The following ACTR6 variants were observed in gnomAD, a reference collection of about 807,000 sequenced individuals.
The protein encoded by ACTR6 is actin related protein 6, also known as actin-related protein 6.
A neutral mutation model predicts 52.5 loss-of-function variants in ACTR6; 50 were observed. The ratio of observed to expected loss-of-function variants is 0.95; its 90% confidence interval spans 0.76 to 1.20. The LOEUF (loss-of-function observed/expected upper bound fraction) is 1.20, where lower values mean the gene tolerates loss of function less well. Among genes scored for constraint, ACTR6 ranks in the 50% most tolerant of loss-of-function variants. ACTR6 has a pLI of 0.00. For synonymous variants in ACTR6, 135 were observed against 147.2 expected (o/e 0.92, Z 0.60); for missense variants, 344 against 472.4 (o/e 0.73, Z 2.52).
In ACTR6 at chr12:100,212,479, T is replaced by C. The variant is rs761162966; in HGVS notation, c.701T>C (p.Ile234Thr). The change falls in exon 8 of 11, where the codon ATA becomes ACA. Residue 234 changes from isoleucine to threonine, a missense_variant. By Grantham distance (89) the Ile-to-Thr change is moderately conservative (BLOSUM62 -1). Coordinates refer to ENST00000188312, the MANE Select transcript of ACTR6 (RefSeq NM_022496.5). ...AAAGGAGAAGAAAATACAGTAATGA[T>C]AGACTATGTCTTGCCTGACTTCAGT... is the stretch of plus-strand genomic sequence containing the variant. The part of the protein sequence containing the change: ...KLKGEENTVM[I>T]DYVLPDFSTI... 3.1e-6 allele frequency: 5 copies of C among 1,613,894 alleles called. No individual in the cohort carries two copies. In the South Asian group the frequency reaches 3.3e-5, roughly 11 times the overall value.
chr12:100,201,261 G>C (rs2096109429), intron 1 of ACTR6, among the ~76,000 whole-genome samples: 3 of 152,160 alleles, frequency 2.0e-5, no homozygotes, highest in Admixed American at 2.0e-4. Context: ...GGGTGTATGC[G>C]GATTTTCCTG....
chr12:100,213,430 T>C (rs957633687), intron 8 of ACTR6, among the ~76,000 whole-genome samples: 1 of 152,102 alleles, frequency 6.6e-6, no homozygotes, highest in Admixed American at 6.5e-5. Flanking sequence ...TGCTGGCCAT[T>C]TCACCCGGCA....
At chr12:100,204,446 C>A (rs1365124218) in intron 1 of ACTR6, among the ~76,000 whole-genome samples, 1 of 152,208 alleles carries the variant, frequency 6.6e-6, no homozygotes, top group African/African-American at 2.4e-5. Flanking sequence ...CTGCAACCTC[C>A]ATCTCTCAGG....
In ACTR6 at chr12:100,218,457, G is replaced by T; in HGVS notation, c.793G>T (p.Glu265Ter). The T allele has an allele frequency of 6.2e-7, 1 of 1,610,758 alleles. No homozygotes were observed. Among genetic ancestry groups the T allele is most frequent in the South Asian group, 1.1e-5 (1 of 90,730 alleles). ...GTTGAGTGGAAAATACAAATCTGGG[G>T]AACAAATTCTTCGTTTGGCCAATGA... is the stretch of plus-strand genomic sequence containing the variant. ...MVLSGKYKSG[E>*]QILRLANERF... The change falls in exon 9 of 11, where the codon GAA becomes TAA. Residue 265 changes from glutamate (E) to a stop codon, truncating the protein, a stop_gained. Coordinates refer to ENST00000188312, the MANE Select transcript of ACTR6 (RefSeq NM_022496.5). LOFTEE classifies it high-confidence loss of function. This position sits in a 1 kb window ranked among gnomAD's most constrained non-coding sequence, Gnocchi z 4.2.
chr12:100,207,666 G>T lies in ACTR6; in HGVS notation c.259G>T (p.Asp87Tyr). 2 of 1,499,788 alleles carry T rather than the reference G, an allele frequency of 1.3e-6. No homozygotes were observed. The highest frequency in any genetic ancestry group is 1.3e-5 in the South Asian group (1 of 78,746). The allele number at this position is 1,499,788 out of a possible 1,614,324, so 92.9% of individuals were successfully genotyped here. Residue 87 changes from aspartate (D) to tyrosine (Y), a missense_variant, in exon 4 of 11, where the codon GAT becomes TAT. Physicochemically the swap from Asp to Tyr is radical, Grantham distance 160. Coordinates refer to ENST00000188312, the MANE Select transcript of ACTR6 (RefSeq NM_022496.5). ...YLFGKEMYQV[D>Y]FLDTNIIITE... is the part of the protein sequence containing the mutation. ...TTTGGAATGTTTTCTCCTATAGGTTGATTTTTTAGATACTAATATTATTAT... is the reference window on the plus strand; with the variant it reads ...TTTGGAATGTTTTCTCCTATAGGTTTATTTTTTAGATACTAATATTATTAT...
At chr12:100,222,257 G>GTT (rs35143045) in intron 10 of ACTR6, among the ~76,000 whole-genome samples, 1,872 of 123,410 alleles carry the variant, frequency 0.015, 75 homozygotes, top group African/African-American at 0.045. Context: ...CTGGCTTTGG[G>GTT]TTTTTTTTTT....
intron 4 of ACTR6, among the ~76,000 whole-genome samples, chr12:100,209,598 T>G (rs1305620403): frequency 6.6e-6 from 1 of 152,194 alleles, no homozygotes; most frequent in African/African-American, 2.4e-5. Flanking sequence ...TGTCAATAGT[T>G]CTGAGGTCTC....
chr12:100,223,997 T>G lies in ACTR6; in HGVS notation c.*82T>G. The G allele has an allele frequency of 6.9e-7, 1 of 1,456,364 alleles. No individual in the cohort carries two copies. Among genetic ancestry groups the G allele is most frequent in the Non-Finnish European group, 9.1e-7 (1 of 1,094,130 alleles). The allele number at this position is 1,456,364 out of a possible 1,614,324, so 90.2% of individuals were successfully genotyped here. A position where few individuals can be genotyped will look rare whatever the true frequency, so the allele number is the denominator to read the frequency against. ...AAAGAGGTTAAGGAACTGTGTTACCTTTTGTCCTAAGAAAAAGGCTTGAAT... is the reference window on the plus strand; with the variant it reads ...AAAGAGGTTAAGGAACTGTGTTACCGTTTGTCCTAAGAAAAAGGCTTGAAT... On this transcript the variant is annotated 3_prime_UTR_variant, in exon 11 of 11. Coordinates refer to ENST00000188312, the MANE Select transcript of ACTR6 (RefSeq NM_022496.5).
intron 1 of ACTR6, among the ~76,000 whole-genome samples, chr12:100,202,789 G>A (rs1278755235): frequency 1.3e-5 from 2 of 151,722 alleles, no homozygotes; most frequent in Non-Finnish European, 2.9e-5. Flanking sequence ...CCTGGGAGGC[G>A]GAGCTTGCAG....
At position 100,218,375 on chromosome 12, in the gene ACTR6, G is replaced by A; in HGVS notation, c.751-40G>A. ...TACTAATTATTAGTCATGTGAGCTAGATAATATAACTTAAACTTTTAATCT... is the reference window on the plus strand; with the variant it reads ...TACTAATTATTAGTCATGTGAGCTAAATAATATAACTTAAACTTTTAATCT... On this transcript the variant is annotated intron_variant, in intron 8 of 10. Transcript: ENST00000188312. The surrounding 1 kb of genome is among the most constrained non-coding windows in gnomAD (Gnocchi z 4.2). The A allele has an allele frequency of 6.5e-7, 1 of 1,531,442 alleles. No individual in the cohort carries two copies. Among genetic ancestry groups the A allele is most frequent in the Non-Finnish European group, 8.9e-7 (1 of 1,118,244 alleles). The allele number at this position is 1,531,442 out of a possible 1,614,324, so 94.9% of individuals were successfully genotyped here. A position where few individuals can be genotyped will look rare whatever the true frequency, so the allele number is the denominator to read the frequency against.
Position 100,220,043 on chromosome 12 carries a change from A to C in ACTR6, c.958A>C (p.Thr320Pro). 1.2e-6 allele frequency: 2 copies of C among 1,613,892 alleles called. No homozygotes were observed. The highest frequency in any genetic ancestry group is 3.3e-4 in the Middle Eastern group (2 of 6,062). Reference protein sequence around the residue: ...QPHFFKNIVLTGGNSLFPGFR... With the variant: ...QPHFFKNIVLPGGNSLFPGFR... ...GCATTTTTTTAAGAACATTGTCTTG[A>C]CAGGAGGAAATTCCCTTTTCCCAGG... The change falls in exon 10 of 11, where the codon ACA becomes CCA. Residue 320 changes from threonine (T) to proline (P), a missense_variant. Physicochemically the swap from Thr to Pro is conservative, Grantham distance 38. Coordinates refer to ENST00000188312, the MANE Select transcript of ACTR6 (RefSeq NM_022496.5).
At position 100,218,324 on chromosome 12, in the gene ACTR6, A is replaced by G. The variant is rs1229474367; in HGVS notation, c.751-91A>G. ...AGAACATTATTAATATATTATTAAT[A>G]TATTATTGCATATATAATTGCATAT... is the stretch of plus-strand genomic sequence containing the variant. On this transcript the variant is annotated intron_variant, in intron 8 of 10. Coordinates refer to ENST00000188312, the MANE Select transcript of ACTR6 (RefSeq NM_022496.5). The surrounding 1 kb of genome is among the most constrained non-coding windows in gnomAD (Gnocchi z 4.2). 1 of 735,504 alleles carries G rather than the reference A, an allele frequency of 1.4e-6. No individual in the cohort carries two copies. The highest frequency in any genetic ancestry group is 1.9e-6 in the Non-Finnish European group (1 of 513,626). The allele number at this position is 735,504 out of a possible 1,614,324, so 45.6% of individuals were successfully genotyped here.
chr12:100,221,566 G>A (rs2096128323), intron 10 of ACTR6: 1 of 151,856 alleles, frequency 6.6e-6, no homozygotes, highest in Non-Finnish European at 1.5e-5. Context: ...TTTTATATAT[G>A]TATAAATATA....
chr12:100,205,422 T>C, intron 2 of ACTR6: 1 of 297,452 alleles, frequency 3.4e-6, no homozygotes, highest in Non-Finnish European at 6.1e-6. Flanking sequence ...TGGTTTGAAA[T>C]TCATACAGCA....
intron 8 of ACTR6, among the ~76,000 whole-genome samples, chr12:100,217,174 A>C (rs374458220): frequency 3.3e-4 from 50 of 152,300 alleles, no homozygotes; most frequent in African/African-American, 1.2e-3. Context: ...TAATATGTTT[A>C]ATGAATGACA....
chr12:100,202,242 A>T (rs2096110374), intron 1 of ACTR6, among the ~76,000 whole-genome samples: 1 of 151,982 alleles, frequency 6.6e-6, no homozygotes, highest in African/African-American at 2.4e-5. Context: ...TGACACAGCA[A>T]TTCTGTTATT....
At chr12:100,208,706 T>C (rs941887693) in intron 4 of ACTR6, 4 of 455,976 alleles carry the variant, frequency 8.8e-6, no homozygotes, top group African/African-American at 6.0e-5. Context: ...TCTGAGGTAG[T>C]TATCTTTCCT....
chr12:100,212,685 A>G (rs1163522260), intron 8 of ACTR6, among the ~76,000 whole-genome samples, 157 bp downstream of exon 8: 2 of 151,942 alleles, frequency 1.3e-5, no homozygotes, highest in Non-Finnish European at 2.9e-5. Context: ...TGATATTTCA[A>G]GTGATCACCT....
rs777079732 is a variant in ACTR6 at position 100,200,836 on chromosome 12, T to G, written c.-16T>G. On this transcript the variant is annotated 5_prime_UTR_variant, in exon 1 of 11. Transcript: ENST00000188312. ...AAAGGGAAAACAACTACGGCTGCGG[T>G]GTGGTTGGTGGTGAGATGACGACCT... 2 of 1,613,198 alleles carry G rather than the reference T, an allele frequency of 1.2e-6. No individual in the cohort carries two copies. The highest frequency in any genetic ancestry group is 1.7e-5 in the Admixed American group (1 of 59,960).
Sources: gnomAD v4.1 joint callset for allele counts (sites outside exome capture counted in the v4.1 genomes callset) on GRCh38, gnomAD v4.1.1 for gene constraint, Gnocchi (gnomAD v3.1) non-coding constraint, MANE v1.5 for transcripts, NCBI Gene and HGNC (gene_info 2026-07-23, HGNC 2026-07-21) for gene names.